Variants in PXDN observed in about 807,000 individuals in gnomAD.
The protein encoded by PXDN is peroxidasin.
Under a neutral mutation model 140.3 loss-of-function variants are expected in PXDN, and 77 were observed. The observed-to-expected ratio is 0.55, with a 90% confidence interval of 0.46 to 0.66. PXDN has a LOEUF of 0.66. Among genes scored for constraint, PXDN ranks in the 30% least tolerant of loss-of-function variants. The pLI is 0.00. For synonymous variants in PXDN, 911 were observed against 857.4 expected (o/e 1.06, Z -1.09); for missense variants, 1,838 against 2,039.5 (o/e 0.90, Z 1.90).
chr2:1,711,047 T>C (rs1386041300), intron 1 of PXDN, among the ~76,000 whole-genome samples: 11 of 30,934 alleles, frequency 3.6e-4, no homozygotes, highest in African/African-American at 4.4e-4. Flanking sequence ...GCATCCACTC[T>C]ACCAGCACCC....
intron 18 of PXDN, among the ~76,000 whole-genome samples, chr2:1,644,141 G>A (rs1195996447): frequency 6.6e-6 from 1 of 150,500 alleles, no homozygotes; most frequent in East Asian, 1.9e-4. Context: ...AAAGACGATG[G>A]GCAACTTTAA....
At chr2:1,663,055 C>T (rs964801355) in intron 12 of PXDN, among the ~76,000 whole-genome samples, 2 of 152,186 alleles carry the variant, frequency 1.3e-5, no homozygotes, top group African/African-American at 4.8e-5. Flanking sequence ...CAGTGCTACG[C>T]TGATTCTATC....
At chr2:1,697,669 T>C (rs1242424147) in intron 1 of PXDN, among the ~76,000 whole-genome samples, 2 of 152,230 alleles carry the variant, frequency 1.3e-5, no homozygotes. Context: ...TCAACAAGCC[T>C]TCCTTGGCTC....
intron 1 of PXDN, 82 bp from the exon 2 acceptor site, chr2:1,693,216 A>C (rs568071789): frequency 8.9e-7 from 1 of 1,123,818 alleles, no homozygotes; most frequent in East Asian, 2.6e-5. Context: ...TAGTTTCAAA[A>C]TGGTGACAAT....
intron 1 of PXDN, among the ~76,000 whole-genome samples, chr2:1,733,924 G>C (rs1450055610): frequency 6.6e-6 from 1 of 152,084 alleles, no homozygotes; most frequent in Non-Finnish European, 1.5e-5. Flanking sequence ...TAGAGCTCTT[G>C]AAGTAAAAGG....
Position 1,663,727 on chromosome 2 carries a change from A to C in PXDN, c.1445T>G (p.Leu482Arg). 6.2e-7 allele frequency: 1 copy of C among 1,613,500 alleles called. No individual in the cohort carries two copies. Among genetic ancestry groups the C allele is most frequent in the Non-Finnish European group, 8.5e-7 (1 of 1,179,882 alleles). Reference sequence around the variant, plus strand: ...AGAGATTCTAAGTGTTCCCGATGACAGGACCAGGTGCCGCCGGTCCACGGA... The same window carrying C: ...AGAGATTCTAAGTGTTCCCGATGACCGGACCAGGTGCCGCCGGTCCACGGA... ...QLSVDRRHLV[L>R]SSGTLRISGV... is the part of the protein sequence containing the mutation. Residue 482 changes from leucine (L) to arginine (R), a missense_variant, in exon 12 of 23, where the codon CTG becomes CGG. Coordinates refer to ENST00000252804, the MANE Select transcript of PXDN (RefSeq NM_012293.3).
rs1285279956 is a variant in PXDN at position 1,635,468 on chromosome 2, GC to G, written c.4259del (p.Gly1420AlafsTer41). On this transcript the variant is annotated frameshift_variant, in exon 22 of 23. Coordinates refer to ENST00000252804, the MANE Select transcript of PXDN (RefSeq NM_012293.3). LOFTEE classifies it high-confidence loss of function. ...LSTTECVDAG[G>X]ESHANNTKWK... The stretch of plus-strand genomic sequence containing the variant: ...ACTTGGTGTTGTTGGCGTGAGATTC[GC>G]CCCCGGCATCCACGCACTCTGTGGT... 1.2e-6 allele frequency: 2 copies of G among 1,602,220 alleles called. No individual in the cohort carries two copies. Among genetic ancestry groups the G allele is most frequent in the Non-Finnish European group, 8.5e-7 (1 of 1,173,978 alleles).
intron 1 of PXDN, among the ~76,000 whole-genome samples, chr2:1,736,251 C>T (rs1685422922): frequency 6.6e-6 from 1 of 152,164 alleles, no homozygotes; most frequent in Non-Finnish European, 1.5e-5. Context: ...GACATGCCTT[C>T]CTCACTAAGC....
At chr2:1,733,748 C>CAAAAAAAAAAAAAAAAAA (rs72208257) in intron 1 of PXDN, among the ~76,000 whole-genome samples, 1 of 79,246 alleles carries the variant, frequency 1.3e-5, no homozygotes, top group Non-Finnish European at 2.2e-5. Context: ...TGTCAAATGA[C>CAAAAAAAAAAAAAAAAAA]AAAAAAAAAA....
chr2:1,658,066 CT>C (rs1558494403), intron 14 of PXDN, among the ~76,000 whole-genome samples: 10,590 of 126,290 alleles, frequency 0.084, 2,397 homozygotes, highest in Non-Finnish European at 0.099. Flanking sequence ...CTCTCTCTCT[CT>C]CTCTCTCTCT....
intron 11 of PXDN, 164 bp downstream of exon 11, chr2:1,664,794 A>T (rs890055): frequency 3.3e-6 from 2 of 608,852 alleles, no homozygotes; most frequent in Non-Finnish European, 5.7e-6. Flanking sequence ...GCCGCGGGGG[A>T]TGTGCAGACA....
chr2:1,743,936 G>C (rs1015415419), intron 1 of PXDN, among the ~76,000 whole-genome samples: 2 of 151,658 alleles, frequency 1.3e-5, no homozygotes, highest in African/African-American at 4.8e-5. Flanking sequence ...AGCGGGGGGA[G>C]CCCCGGAGGC....
intron 1 of PXDN, among the ~76,000 whole-genome samples, chr2:1,728,423 T>C (rs1448394097): frequency 6.6e-6 from 1 of 152,210 alleles, no homozygotes; most frequent in South Asian, 2.1e-4. Context: ...GATTCCAAAT[T>C]TGTGACTTCA....
chr2:1,654,837 G>A (rs1683093232), intron 14 of PXDN, among the ~76,000 whole-genome samples: 1 of 152,108 alleles, frequency 6.6e-6, no homozygotes, highest in Admixed American at 6.6e-5. Context: ...GGCCAGCCCA[G>A]CAGACAAGAT....
At position 1,744,387 on chromosome 2, in the gene PXDN, C is replaced by G. The variant is rs995355920; in HGVS notation, c.69G>C (p.Gly23=). 6 of 1,526,024 alleles carry G rather than the reference C, an allele frequency of 3.9e-6. No individual in the cohort carries two copies. In the African/African-American group the frequency reaches 8.4e-5, roughly 21 times the overall value. The allele number at this position is 1,526,024 out of a possible 1,614,324, so 94.5% of individuals were successfully genotyped here. ...LLALVLFCAW[G]TLAVVAQKPG... The stretch of plus-strand genomic sequence containing the variant: ...GCTTCTGGGCCACCACGGCCAGCGT[C>G]CCCCAGGCGCAGAACAGCACGAGCG... Residue 23 remains glycine (G), a synonymous_variant, in exon 1 of 23, where the codon GGG becomes GGC. Coordinates refer to ENST00000252804, the MANE Select transcript of PXDN (RefSeq NM_012293.3).
intron 9 of PXDN, chr2:1,669,622 C>T (rs892427694): frequency 1.7e-4 from 26 of 152,282 alleles, no homozygotes; most frequent in African/African-American, 6.0e-4. Context: ...GGGCAATCGC[C>T]TGATGTCAGG....
chr2:1,692,548 G>A (rs1339084394), intron 2 of PXDN: 3 of 471,778 alleles, frequency 6.4e-6, no homozygotes, highest in East Asian at 1.4e-4. Context: ...CTCAGTCCTG[G>A]TGCAGAAGGG....
At chr2:1,681,424 A>G (rs745609689) in intron 6 of PXDN, among the ~76,000 whole-genome samples, 1 of 152,090 alleles carries the variant, frequency 6.6e-6, no homozygotes. Flanking sequence ...GAACTAGGGA[A>G]AAGTCCTGCA....
At position 1,634,065 on chromosome 2, in the gene PXDN, G is replaced by C. The variant is rs1371755433; in HGVS notation, c.*139C>G. ...TTGGAAGCCTCCTGCACTGCCTTCT[G>C]TAACAGCACCAGCTGGACGTTGTCA... On this transcript the variant is annotated 3_prime_UTR_variant, in exon 23 of 23. Coordinates refer to ENST00000252804, the MANE Select transcript of PXDN (RefSeq NM_012293.3). The C allele has an allele frequency of 7.4e-7, 1 of 1,352,578 alleles. No homozygotes were observed. Among genetic ancestry groups the C allele is most frequent in the Non-Finnish European group, 1.0e-6 (1 of 1,003,866 alleles). The allele number at this position is 1,352,578 out of a possible 1,614,324, so 83.8% of individuals were successfully genotyped here.
Sources: allele counts gnomAD v4.1 joint callset (sites outside exome capture counted in the v4.1 genomes callset), GRCh38; gene constraint gnomAD v4.1.1; transcripts MANE v1.5; gene names NCBI Gene and HGNC (gene_info 2026-07-23, HGNC 2026-07-21).